HIGD1C: variants seen among roughly 807,000 people sequenced by gnomAD.
HIGD1C encodes the protein HIG1 hypoxia inducible domain family member 1C.
In HIGD1C, 11 loss-of-function variants were observed where a neutral mutation model predicts 13.1. The observed-to-expected ratio is 0.84, with a 90% CI of 0.53 to 1.39. The LOEUF (loss-of-function observed/expected upper bound fraction) is 1.39. HIGD1C is among the 40% of genes most tolerant of loss of function. The pLI is 0.00. For synonymous variants in HIGD1C, 36 were observed against 37.7 expected, an observed-to-expected ratio of 0.95 and a Z score of 0.17; for missense variants, 110 against 112.0, an observed-to-expected ratio of 0.98 and a Z score of 0.08.
chr12:50,953,579 G>GT (rs1938977647), upstream of HIGD1C, among the ~76,000 whole-genome samples: 1 of 152,202 alleles, frequency 6.6e-6, no homozygotes, highest in Admixed American at 6.5e-5. Context: ...AAATCTGGAA[G>GT]TATTTTTGCC....
At position 50,954,105 on chromosome 12, in the gene HIGD1C, C is replaced by G; in HGVS notation, c.94+13C>G. The G allele has an allele frequency of 6.7e-7, 1 of 1,494,878 alleles. No individual in the cohort carries two copies. The highest frequency in any genetic ancestry group is 1.2e-5 in the South Asian group (1 of 86,658). 92.6% of individuals were successfully genotyped at this position (1,494,878 alleles called of 1,614,324 possible). ...TTTGTCCCTATAGGTAAGTACAAGCCTTGACTGGATGCAGAAAACTGTAAT... is the reference window on the plus strand; with the variant it reads ...TTTGTCCCTATAGGTAAGTACAAGCGTTGACTGGATGCAGAAAACTGTAAT... On this transcript the variant is annotated intron_variant, in intron 1 of 2. Coordinates refer to ENST00000398455, the Ensembl canonical transcript of HIGD1C.
intron 2 of HIGD1C, among the ~76,000 whole-genome samples, chr12:50,968,040 C>T (rs1029376904): frequency 1.3e-5 from 2 of 152,066 alleles, no homozygotes. Flanking sequence ...GAGCCTTGCT[C>T]ACGCCACTGC....
At chr12:50,944,404 C>G in the HIGD1C span, among the ~76,000 whole-genome samples, 4 of 152,114 alleles carry the variant, frequency 2.6e-5, no homozygotes, top group East Asian at 5.8e-4. Flanking sequence ...GTAATGAATC[C>G]CAGCACTTTG....
At chr12:50,934,478 G>T in the HIGD1C span, among the ~76,000 whole-genome samples, 1 of 152,210 alleles carries the variant, frequency 6.6e-6, no homozygotes, top group Non-Finnish European at 1.5e-5. Context: ...TTTATTGAGT[G>T]TCTACTGTGT....
the HIGD1C span, among the ~76,000 whole-genome samples, chr12:50,942,003 C>T: frequency 2.4e-4 from 37 of 152,148 alleles, no homozygotes; most frequent in Middle Eastern, 3.2e-3. Context: ...ATGCTCCCAC[C>T]TTAGCCTCCT....
intron 1 of HIGD1C, among the ~76,000 whole-genome samples, chr12:50,960,204 C>A (rs758424862): frequency 1.3e-5 from 2 of 152,120 alleles, no homozygotes; most frequent in Non-Finnish European, 2.9e-5. Flanking sequence ...ATATTCATAC[C>A]TTTTCATCTC....
chr12:50,954,225 G>T, intron 1 of HIGD1C, 133 bp downstream of exon 3: 1 of 570,136 alleles, frequency 1.8e-6, no homozygotes. Context: ...CTCTAAGCAT[G>T]TGTTGAACTT....
chr12:50,956,298 G>A (rs1446160540), intron 1 of HIGD1C, among the ~76,000 whole-genome samples: 8 of 152,074 alleles, frequency 5.3e-5, no homozygotes, highest in East Asian at 1.9e-4. Context: ...AGGCTGAGGC[G>A]GGAGAATCAC....
At chr12:50,965,611 C>T (rs2139821003) in intron 2 of HIGD1C, among the ~76,000 whole-genome samples, 2 of 152,272 alleles carry the variant, frequency 1.3e-5, no homozygotes, top group South Asian at 4.1e-4. Context: ...AACAGACCCA[C>T]AGCAAAACTC....
chr12:50,935,725 G>A, the HIGD1C span, among the ~76,000 whole-genome samples: 12 of 152,262 alleles, frequency 7.9e-5, no homozygotes, highest in African/African-American at 2.6e-4. Flanking sequence ...CTAGGCTTAA[G>A]TGATCCTCCC....
At chr12:50,963,238 T>A (rs1165624885) in intron 2 of HIGD1C, among the ~76,000 whole-genome samples, 1 of 150,986 alleles carries the variant, frequency 6.6e-6, no homozygotes, top group Non-Finnish European at 1.5e-5. Context: ...GGAGTAGTGG[T>A]GCATGCCTGT....
In HIGD1C at chr12:50,963,866, C is replaced by T. The variant is rs537359251; in HGVS notation, c.229+2764C>T. Among the ~76,000 whole-genome samples, 3 of 152,286 alleles carry T rather than the reference C, an allele frequency of 2.0e-5. No homozygotes were observed. The South Asian group carries it at 6.2e-4, about 32-fold the overall frequency. On this transcript the variant is annotated intron_variant, in intron 2 of 2. Transcript: ENST00000398455. ...ATAATATAAGCCTACCACTGTCCAGCCCTTGTCAACTTGACATCCATATAT... is the reference window on the plus strand; with the variant it reads ...ATAATATAAGCCTACCACTGTCCAGTCCTTGTCAACTTGACATCCATATAT...
chr12:50,939,171 G>T, the HIGD1C span, among the ~76,000 whole-genome samples: 1 of 152,024 alleles, frequency 6.6e-6, no homozygotes, highest in Non-Finnish European at 1.5e-5. Flanking sequence ...ATTTTGAGAC[G>T]GAGTCTTGCT....
At chr12:50,963,981 A>G (rs1939444954) in intron 2 of HIGD1C, among the ~76,000 whole-genome samples, 1 of 152,196 alleles carries the variant, frequency 6.6e-6, no homozygotes, top group Non-Finnish European at 1.5e-5. Context: ...GTTATCTCCC[A>G]AAAGAGGATA....
upstream of HIGD1C, among the ~76,000 whole-genome samples, chr12:50,952,691 G>C (rs909637205): frequency 6.6e-6 from 1 of 152,230 alleles, no homozygotes; most frequent in African/African-American, 2.4e-5. Flanking sequence ...TGCAGGAGGC[G>C]CACCTGCGAT....
chr12:50,960,036 T>G (rs971050177), intron 1 of HIGD1C, among the ~76,000 whole-genome samples: 1 of 152,226 alleles, frequency 6.6e-6, no homozygotes, highest in African/African-American at 2.4e-5. Context: ...TCCTATTTAG[T>G]TGATGAGTTC....
chr12:50,969,999 A>T (rs1939704536), intron 2 of HIGD1C, among the ~76,000 whole-genome samples: 1 of 151,992 alleles, frequency 6.6e-6, no homozygotes, highest in South Asian at 2.1e-4. Context: ...AGCCATACAT[A>T]TCATCCGCCT....
downstream of HIGD1C, chr12:50,970,550 C>G (rs1395567517): frequency 1.7e-6 from 2 of 1,192,494 alleles, no homozygotes; most frequent in Admixed American, 4.4e-5. Flanking sequence ...CTTCTGAAAA[C>G]TATTTATTAT....
intron 2 of HIGD1C, among the ~76,000 whole-genome samples, chr12:50,967,515 G>T (rs143919591): frequency 3.9e-5 from 6 of 152,118 alleles, no homozygotes; most frequent in African/African-American, 1.4e-4. Context: ...GACCTCAAGC[G>T]AACTCCCACC....
Sources: allele counts gnomAD v4.1 joint callset (sites outside exome capture counted in the v4.1 genomes callset), GRCh38; gene constraint gnomAD v4.1.1; transcripts MANE v1.5; gene names NCBI Gene and HGNC (gene_info 2026-07-23, HGNC 2026-07-21).